SEC24B: variants seen among roughly 807,000 people sequenced by gnomAD.
SEC24B encodes the protein protein transport protein Sec24B.
A neutral mutation model predicts 142.8 loss-of-function variants in SEC24B; 45 were observed. The observed-to-expected ratio is 0.32, with a 90% CI of 0.25 to 0.40. SEC24B has a LOEUF of 0.40. Ranked by LOEUF, SEC24B falls within the 10% of genes least tolerant of loss-of-function variation. SEC24B has a pLI of 1.00. For missense variants in SEC24B, 1,409 were observed against 1,526.8 expected, an observed-to-expected ratio of 0.92 and a Z score of 1.29; for synonymous variants, 574 against 568.2, an observed-to-expected ratio of 1.01 and a Z score of -0.15.
intron 1 of SEC24B, among the ~76,000 whole-genome samples, chr4:109,461,553 C>G (rs1403486452): frequency 6.6e-6 from 1 of 152,106 alleles, no homozygotes; most frequent in Non-Finnish European, 1.5e-5. Flanking sequence ...GGATATTCAG[C>G]ATATATTAAG....
intron 11 of SEC24B, among the ~76,000 whole-genome samples, chr4:109,518,981 A>G (rs182141004): frequency 5.5e-4 from 84 of 151,816 alleles, no homozygotes; most frequent in Admixed American, 4.3e-3. Context: ...TAATTTTTGT[A>G]TATTTAGTAG....
rs775469091 is a variant in SEC24B at position 109,463,574 on chromosome 4, G to A, written c.807G>A (p.Ser269=). The change falls in exon 2 of 24, where the codon TCG becomes TCA. Residue 269 remains serine (S), a synonymous_variant. Transcript: ENST00000265175. Reference sequence around the variant, plus strand: ...CGTGGTCATCTCCAGGCCTTCCATCGACTCAAGACAATCTCATCCGAAACC... The same window carrying A: ...CGTGGTCATCTCCAGGCCTTCCATCAACTCAAGACAATCTCATCCGAAACC... The part of the protein sequence containing the change: ...TLTWSSPGLP[S]TQDNLIRNHT... 10 of 1,613,976 alleles carry A rather than the reference G, an allele frequency of 6.2e-6. No homozygotes were observed. Among genetic ancestry groups the A allele is most frequent in the African/African-American group, 5.3e-5 (4 of 74,888 alleles).
chr4:109,456,325 G>GTTTTTTT (rs1196701325), intron 1 of SEC24B, among the ~76,000 whole-genome samples: 1 of 92,256 alleles, frequency 1.1e-5, no homozygotes. Context: ...ATAAAGACAG[G>GTTTTTTT]TTTTTTTTGT....
intron 3 of SEC24B, among the ~76,000 whole-genome samples, chr4:109,473,825 T>C (rs1442746717): frequency 6.6e-6 from 1 of 152,244 alleles, no homozygotes; most frequent in Non-Finnish European, 1.5e-5. Context: ...TTCCAAAGTA[T>C]TGATGTTTCA....
chr4:109,474,644 C>G (rs185381608), intron 3 of SEC24B, among the ~76,000 whole-genome samples: 1 of 152,096 alleles, frequency 6.6e-6, no homozygotes, highest in African/African-American at 2.4e-5. Context: ...AATCTGGCCT[C>G]GAACTTTTGA....
intron 22 of SEC24B, among the ~76,000 whole-genome samples, chr4:109,535,520 C>T (rs1725427073): frequency 6.6e-6 from 1 of 151,166 alleles, no homozygotes; most frequent in Non-Finnish European, 1.5e-5. Flanking sequence ...TGCGCCACTG[C>T]ACTCCAACCT....
intron 7 of SEC24B, among the ~76,000 whole-genome samples, 164 bp from the exon 8 acceptor site, chr4:109,509,845 T>C (rs530012041): frequency 4.2e-4 from 64 of 152,320 alleles, no homozygotes; most frequent in African/African-American, 1.5e-3. Context: ...TTTTGACATA[T>C]ATTGCATACA....
chr4:109,492,671 C>T (rs187517667), intron 5 of SEC24B, among the ~76,000 whole-genome samples: 16 of 152,278 alleles, frequency 1.1e-4, no homozygotes, highest in Admixed American at 7.8e-4. Flanking sequence ...TGTAGGCCTA[C>T]TATATGTCAG....
At chr4:109,535,702 A>G (rs1295880086) in intron 22 of SEC24B, among the ~76,000 whole-genome samples, 3 of 152,004 alleles carry the variant, frequency 2.0e-5, no homozygotes, top group Non-Finnish European at 4.4e-5. Context: ...CAAAAAAACA[A>G]TTAGCTGGGC....
chr4:109,474,726 CT>C (rs1348496327), intron 3 of SEC24B, among the ~76,000 whole-genome samples: 1 of 152,094 alleles, frequency 6.6e-6, no homozygotes, highest in Non-Finnish European at 1.5e-5. Context: ...CGCCCAGCCC[CT>C]ATCATATTTT....
At chr4:109,453,429 G>T (rs1428601924) in intron 1 of SEC24B, among the ~76,000 whole-genome samples, 2 of 128,744 alleles carry the variant, frequency 1.6e-5, no homozygotes, top group African/African-American at 5.9e-5. Context: ...TTCCTAGGGT[G>T]GCCATTTTAG....
At chr4:109,444,221 A>C (rs1180326956) in intron 1 of SEC24B, among the ~76,000 whole-genome samples, 1 of 151,916 alleles carries the variant, frequency 6.6e-6, no homozygotes, top group Non-Finnish European at 1.5e-5. Context: ...TCTCAAAAAA[A>C]AAAAAAAAAA....
At chr4:109,434,360 G>C (rs973543959) in intron 1 of SEC24B, among the ~76,000 whole-genome samples, 1 of 152,158 alleles carries the variant, frequency 6.6e-6, no homozygotes, top group Non-Finnish European at 1.5e-5. Context: ...CAGTTACCTA[G>C]CCTGGACGCG....
At chr4:109,489,737 T>C (rs183249437) in intron 4 of SEC24B, among the ~76,000 whole-genome samples, 123 of 150,610 alleles carry the variant, frequency 8.2e-4, no homozygotes, top group Admixed American at 2.1e-3. Flanking sequence ...TTAAGCAAAT[T>C]TTCAGGTTTC....
intron 2 of SEC24B, among the ~76,000 whole-genome samples, chr4:109,468,849 A>T (rs1048836490): frequency 6.6e-6 from 1 of 152,214 alleles, no homozygotes; most frequent in East Asian, 1.9e-4. Flanking sequence ...TTTCTAAAGA[A>T]TTTTTTGCAC....
chr4:109,448,463 G>T (rs1017816784), intron 1 of SEC24B, among the ~76,000 whole-genome samples: 4 of 152,070 alleles, frequency 2.6e-5, no homozygotes, highest in African/African-American at 9.7e-5. Flanking sequence ...TACAGAAAGT[G>T]CAGTACCCTT....
At chr4:109,435,091 A>C (rs1728277370) in intron 1 of SEC24B, among the ~76,000 whole-genome samples, 1 of 152,222 alleles carries the variant, frequency 6.6e-6, no homozygotes. Flanking sequence ...TGTTTTATCT[A>C]ATTTCCTAAT....
chr4:109,523,222 C>A (rs1476586167), intron 14 of SEC24B, among the ~76,000 whole-genome samples: 1 of 152,106 alleles, frequency 6.6e-6, no homozygotes, highest in African/African-American at 2.4e-5. Context: ...ATAATCCCGG[C>A]ACTTTGGGAG....
Position 109,511,950 on chromosome 4 carries a change from T to G in SEC24B, c.1777-7T>G. 6.2e-7 allele frequency: 1 copy of G among 1,610,164 alleles called. No homozygotes were observed. On this transcript the variant is annotated splice_region_variant and splice_polypyrimidine_tract_variant and intron_variant, in intron 8 of 23. Transcript: ENST00000265175. ...TTCTGCTACAGCTTCTTTATTTTAT[T>G]TCCTAGCAATTACCAGTGATAACAT...
Sources: gnomAD v4.1 joint callset for allele counts (sites outside exome capture counted in the v4.1 genomes callset) on GRCh38, gnomAD v4.1.1 for gene constraint, MANE v1.5 for transcripts, NCBI Gene and HGNC (gene_info 2026-07-23, HGNC 2026-07-21) for gene names.